Variants in ERC2 observed in about 807,000 individuals in gnomAD.
ERC2 encodes the protein ELKS/RAB6-interacting/CAST family member 2, also known as ERC protein 2.
In ERC2, 42 loss-of-function variants were observed where a neutral mutation model predicts 114.8. The ratio of observed to expected loss-of-function variants is 0.37; its 90% CI spans 0.29 to 0.47. The LOEUF is 0.47. Ranked by LOEUF, ERC2 falls within the 20% of genes least tolerant of loss-of-function variation. The pLI, the probability that ERC2 is intolerant of heterozygous loss-of-function variation, is 0.99. For synonymous variants in ERC2, 454 were observed against 425.5 expected, an observed-to-expected ratio of 1.07 and a Z score of -0.82; for missense variants, 939 against 1,150.7, an observed-to-expected ratio of 0.82 and a Z score of 2.66.
At chr3:55,816,653 T>C (rs2059913823) in intron 14 of ERC2, among the ~76,000 whole-genome samples, 1 of 152,144 alleles carries the variant, frequency 6.6e-6, no homozygotes, top group Admixed American at 6.5e-5. Context: ...TTTAAGACAA[T>C]TCAAATCCCA....
At chr3:55,834,254 G>T (rs1335740616) in intron 14 of ERC2, among the ~76,000 whole-genome samples, 1 of 152,184 alleles carries the variant, frequency 6.6e-6, no homozygotes, top group African/African-American at 2.4e-5. Context: ...TCTGCACCAA[G>T]TGGACCTAAT....
chr3:55,825,580 A>C lies in ERC2; in HGVS notation c.2564+62809T>G, dbSNP rs112142548. 6.2e-3 allele frequency among the ~76,000 whole-genome samples: 945 copies of C among 152,336 alleles called. 12 individuals are homozygous for C. The highest frequency in any genetic ancestry group is 0.022 in the African/African-American group (899 of 41,576). On this transcript the variant is annotated intron_variant, in intron 14 of 17. Transcript: ENST00000288221. ...GTCACTAATAATTTTTATTTGAGAT[A>C]ATATCATGGCTGTTTTTTTCAATGG...
chr3:56,031,922 G>A (rs1465176041), intron 7 of ERC2, among the ~76,000 whole-genome samples: 1 of 152,144 alleles, frequency 6.6e-6, no homozygotes, highest in African/African-American at 2.4e-5. Context: ...CCTCAATCTT[G>A]GAGGTGGAGC....
chr3:56,169,298 G>T (rs2082494764), intron 4 of ERC2, among the ~76,000 whole-genome samples: 1 of 152,152 alleles, frequency 6.6e-6, no homozygotes, highest in South Asian at 2.1e-4. Flanking sequence ...CTAGCAAAAT[G>T]TTTGTTTTTC....
intron 12 of ERC2, among the ~76,000 whole-genome samples, chr3:55,953,771 G>C (rs1371740695): frequency 7.9e-5 from 12 of 151,998 alleles, no homozygotes; most frequent in Admixed American, 7.9e-4. Flanking sequence ...TGCCCTCACA[G>C]ATGCTCAGTG....
chr3:55,798,946 T>C (rs1177115985), intron 14 of ERC2, among the ~76,000 whole-genome samples: 1 of 152,154 alleles, frequency 6.6e-6, no homozygotes, highest in Non-Finnish European at 1.5e-5. Context: ...CTATACATTT[T>C]TAAAAATAAT....
At chr3:55,571,602 A>T (rs2056718081) in intron 17 of ERC2, among the ~76,000 whole-genome samples, 1 of 152,212 alleles carries the variant, frequency 6.6e-6, no homozygotes, top group African/African-American at 2.4e-5. Flanking sequence ...CACAAAAGCC[A>T]CAACAAAGGC....
intron 4 of ERC2, among the ~76,000 whole-genome samples, chr3:56,161,437 C>T (rs1575633580): frequency 1.3e-5 from 2 of 152,144 alleles, no homozygotes; most frequent in African/African-American, 2.4e-5. Flanking sequence ...TCTGAGAAAA[C>T]TGACATTGGT....
intron 14 of ERC2, among the ~76,000 whole-genome samples, chr3:55,787,003 G>A (rs975457560): frequency 1.3e-5 from 2 of 152,220 alleles, no homozygotes; most frequent in Non-Finnish European, 2.9e-5. Flanking sequence ...ATTATGAACT[G>A]TGGGACAGAT....
At chr3:56,411,614 A>T (rs1178128357) in intron 2 of ERC2, among the ~76,000 whole-genome samples, 4 of 152,136 alleles carry the variant, frequency 2.6e-5, no homozygotes, top group Non-Finnish European at 5.9e-5. Context: ...AGCAGCTAAC[A>T]CTTACATAGC....
At chr3:55,517,140 T>A (rs1016851954) in intron 17 of ERC2, among the ~76,000 whole-genome samples, 12 of 152,126 alleles carry the variant, frequency 7.9e-5, no homozygotes, top group South Asian at 2.1e-4. Context: ...AACATTTTTT[T>A]AAAAATTATC....
At chr3:56,292,423 C>CAA (rs796877268) in intron 3 of ERC2, among the ~76,000 whole-genome samples, 7 of 77,054 alleles carry the variant, frequency 9.1e-5, no homozygotes, top group East Asian at 4.0e-4. Flanking sequence ...ACCAAAAATA[C>CAA]AAAAAAAAAA....
At chr3:56,019,421 T>A (rs983152516) in intron 7 of ERC2, among the ~76,000 whole-genome samples, 1 of 152,222 alleles carries the variant, frequency 6.6e-6, no homozygotes. Context: ...AGACATTTAC[T>A]GGAGAGCCCA....
intron 3 of ERC2, among the ~76,000 whole-genome samples, chr3:56,174,652 C>G (rs1011215028): frequency 1.3e-5 from 2 of 152,160 alleles, no homozygotes; most frequent in African/African-American, 4.8e-5. Context: ...TCTACCTCCA[C>G]CATTATCATC....
intron 17 of ERC2, among the ~76,000 whole-genome samples, chr3:55,637,272 A>C (rs1453216697): frequency 1.3e-5 from 2 of 152,206 alleles, no homozygotes; most frequent in African/African-American, 4.8e-5. Context: ...TAGAAATGTA[A>C]TTCCTTCTCA....
At chr3:55,643,525 A>G (rs2060272397) in intron 17 of ERC2, among the ~76,000 whole-genome samples, 1 of 152,180 alleles carries the variant, frequency 6.6e-6, no homozygotes, top group Admixed American at 6.5e-5. Context: ...TAGGGTTACA[A>G]TCTTGGGCAA....
intron 2 of ERC2, among the ~76,000 whole-genome samples, chr3:56,406,019 A>AGG (rs1174850318): frequency 6.8e-5 from 10 of 146,372 alleles, no homozygotes; most frequent in Admixed American, 2.1e-4. Context: ...CAGCCACCCT[A>AGG]GTGGCTGAGA....
At chr3:55,723,601 C>A (rs1160135474) in intron 15 of ERC2, among the ~76,000 whole-genome samples, 2 of 152,086 alleles carry the variant, frequency 1.3e-5, no homozygotes, top group Non-Finnish European at 2.9e-5. Flanking sequence ...AGATTAAAGG[C>A]AAACTACTGG....
intron 6 of ERC2, among the ~76,000 whole-genome samples, chr3:56,096,119 A>C (rs574682479): frequency 6.6e-6 from 1 of 152,328 alleles, no homozygotes; most frequent in East Asian, 1.9e-4. Context: ...GCACTAAGAG[A>C]TAAAGTAGAG....
Sources: allele counts gnomAD v4.1 joint callset (sites outside exome capture counted in the v4.1 genomes callset), GRCh38; gene constraint gnomAD v4.1.1; transcripts MANE v1.5; gene names NCBI Gene and HGNC (gene_info 2026-07-23, HGNC 2026-07-21).